The following ZBED4 variants were observed in gnomAD, a reference collection of about 807,000 sequenced individuals.
The protein encoded by ZBED4 is zinc finger BED-type containing 4.
Under a neutral mutation model 15.5 loss-of-function variants are expected in ZBED4, and 4 were observed. The observed-to-expected ratio is 0.26, with a 90% CI of 0.13 to 0.59. ZBED4 has a LOEUF of 0.59. Among genes scored for constraint, ZBED4 ranks in the 20% least tolerant of loss-of-function variants. The pLI is 0.90. For synonymous variants in ZBED4, 692 were observed against 608.5 expected (o/e 1.14, Z -2.02); for missense variants, 1,323 against 1,461.8 (o/e 0.91, Z 1.55).
At position 49,888,222 on chromosome 22, in the gene ZBED4, TAA is replaced by T; in HGVS notation, c.*1047_*1048del. 1 of 167,272 alleles carries T rather than the reference TAA, an allele frequency of 6.0e-6. No homozygotes were observed. Among genetic ancestry groups the T allele is most frequent in the South Asian group, 2.1e-4 (1 of 4,834 alleles). The allele number at this position is 167,272 out of a possible 1,614,324, so 10.4% of individuals were successfully genotyped here. ...TGAAGTGTCAGTTGTCAGATGATTT[TAA>T]AAGTTATGTCTTCAGAGAAAAAAAG... is the stretch of plus-strand genomic sequence containing the variant. On this transcript the variant is annotated 3_prime_UTR_variant, in exon 2 of 2. Coordinates refer to ENST00000216268, the MANE Select transcript of ZBED4 (RefSeq NM_014838.3).
chr22:49,877,102 C>T (rs536259609), intron 1 of ZBED4, among the ~76,000 whole-genome samples: 12 of 152,022 alleles, frequency 7.9e-5, no homozygotes, highest in East Asian at 1.9e-4. Context: ...AGTAAATGAA[C>T]GCTGGCAGTG....
intron 1 of ZBED4, among the ~76,000 whole-genome samples, chr22:49,879,456 G>A (rs1260119402): frequency 6.6e-6 from 1 of 151,796 alleles, no homozygotes; most frequent in Non-Finnish European, 1.5e-5. Context: ...CAGAGACGAT[G>A]TTTTGCCATG....
At chr22:49,856,976 C>T (rs1429343516) in intron 1 of ZBED4, among the ~76,000 whole-genome samples, 1 of 152,218 alleles carries the variant, frequency 6.6e-6, no homozygotes, top group Non-Finnish European at 1.5e-5. Flanking sequence ...TGATGCTGGC[C>T]TGGCCCTGGG....
chr22:49,885,752 C>T lies in ZBED4; in HGVS notation c.2090C>T (p.Pro697Leu), dbSNP rs2060435014. Residue 697 changes from proline (P) to leucine (L), a missense_variant, in exon 2 of 2, where the codon CCT becomes CTT. Around this residue, in one of 6 missense-constraint regions of ZBED4, gnomAD observed 89 missense variants for 129.8 expected, o/e 0.69. Transcript: ENST00000216268. ...YLKPQYSLPA[P>L]SYFSRTAIPG... Reference sequence around the variant, plus strand: ...AAACCTCAGTACTCCCTCCCCGCCCCTTCCTACTTCTCCAGGACAGCTATC... The same window carrying T: ...AAACCTCAGTACTCCCTCCCCGCCCTTTCCTACTTCTCCAGGACAGCTATC... 1 of 1,603,976 alleles carries T rather than the reference C, an allele frequency of 6.2e-7. No homozygotes were observed. The highest frequency in any genetic ancestry group is 1.3e-5 in the African/African-American group (1 of 74,764).
intron 1 of ZBED4, among the ~76,000 whole-genome samples, chr22:49,867,952 C>T (rs1217589396): frequency 6.6e-6 from 1 of 152,200 alleles, no homozygotes; most frequent in African/African-American, 2.4e-5. Context: ...TTGAATATCT[C>T]ATGTAAGAGT....
chr22:49,856,846 C>G (rs1017235536), intron 1 of ZBED4, among the ~76,000 whole-genome samples: 1 of 150,986 alleles, frequency 6.6e-6, no homozygotes, highest in East Asian at 1.9e-4. Context: ...TCCCACCCCT[C>G]GTTCTAGGTG....
intron 1 of ZBED4, among the ~76,000 whole-genome samples, chr22:49,855,303 C>G (rs2060270381): frequency 6.6e-6 from 1 of 152,136 alleles, no homozygotes; most frequent in African/African-American, 2.4e-5. Context: ...GGAAAGAAAC[C>G]TAAGACTTTT....
At chr22:49,871,325 A>G (rs1233722966) in intron 1 of ZBED4, among the ~76,000 whole-genome samples, 1 of 152,002 alleles carries the variant, frequency 6.6e-6, no homozygotes, top group Non-Finnish European at 1.5e-5. Context: ...CGTCACTACT[A>G]AAAATACAAA....
chr22:49,854,097 A>G (rs1234951882), intron 1 of ZBED4, 108 bp downstream of exon 1: 3 of 142,428 alleles, frequency 2.1e-5, no homozygotes, highest in African/African-American at 7.6e-5. Context: ...CGCCGGGGCC[A>G]GGGCCGGGGC....
At chr22:49,882,422 A>G (rs1569163714) in intron 1 of ZBED4, among the ~76,000 whole-genome samples, 1 of 152,212 alleles carries the variant, frequency 6.6e-6, no homozygotes, top group Non-Finnish European at 1.5e-5. Flanking sequence ...CTCTTCAAAA[A>G]AAGTTTGTTA....
At chr22:49,859,224 TTCTTTC>T (rs1366518325) in intron 1 of ZBED4, among the ~76,000 whole-genome samples, 1 of 152,204 alleles carries the variant, frequency 6.6e-6, no homozygotes, top group Non-Finnish European at 1.5e-5. Flanking sequence ...AAATGCTGAG[TTCTTTC>T]TCTTTATTAC....
chr22:49,884,068 T>C lies in ZBED4; in HGVS notation c.406T>C (p.Cys136Arg), dbSNP rs2060423479. Residue 136 changes from cysteine to arginine, a missense_variant, in exon 2 of 2, where the codon TGC (cysteine) becomes CGC (arginine). Transcript: ENST00000216268. Reference sequence around the variant, plus strand: ...TCCCCGAGACAGCACTAAAGCAATATGCATGTACTGTGTGAAGGAGTTCAG... The same window carrying C: ...TCCCCGAGACAGCACTAAAGCAATACGCATGTACTGTGTGAAGGAGTTCAG... ...ISPRDSTKAI[C>R]MYCVKEFSRG... 6.2e-7 allele frequency: 1 copy of C among 1,609,246 alleles called. No individual in the cohort carries two copies. Among genetic ancestry groups the C allele is most frequent in the Non-Finnish European group, 8.5e-7 (1 of 1,178,254 alleles).
chr22:49,860,361 T>G (rs2060291483), intron 1 of ZBED4, among the ~76,000 whole-genome samples: 1 of 152,206 alleles, frequency 6.6e-6, no homozygotes. Context: ...TCTTTGATTC[T>G]TAAATTATAT....
intron 1 of ZBED4, among the ~76,000 whole-genome samples, chr22:49,854,853 T>G (rs983945457): frequency 1.3e-5 from 2 of 152,234 alleles, no homozygotes; most frequent in Admixed American, 6.5e-5. Flanking sequence ...ATTACGTTTT[T>G]AGAAATCCAT....
rs771676030 is a variant in ZBED4, at chr22:49,884,354, C to T, written c.692C>T (p.Ser231Phe). The T allele has an allele frequency of 6.2e-7, 1 of 1,613,268 alleles. No homozygotes were observed. Among genetic ancestry groups the T allele is most frequent in the Non-Finnish European group, 8.5e-7 (1 of 1,179,642 alleles). ...RITEESVSVV[S>F]SEEISSDMSV... Reference sequence around the variant, plus strand: ...ACAGAGGAGTCTGTGTCTGTAGTTTCTTCTGAAGAAATCTCCTCTGACATG... The same window carrying T: ...ACAGAGGAGTCTGTGTCTGTAGTTTTTTCTGAAGAAATCTCCTCTGACATG... The change falls in exon 2 of 2, where the codon TCT (serine) becomes TTT (phenylalanine). Residue 231 changes from serine to phenylalanine, a missense_variant. Physicochemically the swap from Ser to Phe is radical, Grantham distance 155. Coordinates refer to ENST00000216268, the MANE Select transcript of ZBED4 (RefSeq NM_014838.3).
intron 1 of ZBED4, among the ~76,000 whole-genome samples, chr22:49,857,294 G>T (rs1254896914): frequency 3.3e-5 from 5 of 152,234 alleles, no homozygotes; most frequent in African/African-American, 1.2e-4. Flanking sequence ...TCACTAGTGG[G>T]ACTGCCCGGA....
rs1451783787 is a variant in ZBED4 at position 49,885,528 on chromosome 22, C to T, written c.1866C>T (p.Pro622=). 1 of 1,608,716 alleles carries T rather than the reference C, an allele frequency of 6.2e-7. No homozygotes were observed. Among genetic ancestry groups the T allele is most frequent in the African/African-American group, 1.3e-5 (1 of 74,960 alleles). The change falls in exon 2 of 2, where the codon CCC becomes CCT. Residue 622 remains proline (P), a synonymous_variant. Transcript: ENST00000216268. ...CTGAGGTCTCGGAGACGGCTCGGCC[C>T]TCCTCTCCGGACACCCGGGTGCCGC... ...LKTEVSETAR[P]SSPDTRVPRG...
chr22:49,856,486 T>C (rs1403670248), intron 1 of ZBED4, among the ~76,000 whole-genome samples: 3 of 152,200 alleles, frequency 2.0e-5, no homozygotes, highest in African/African-American at 7.2e-5. Context: ...AGGAGAGCAT[T>C]GTCCATGAGG....
At chr22:49,870,543 G>T (rs200163009) in intron 1 of ZBED4, among the ~76,000 whole-genome samples, 3 of 151,972 alleles carry the variant, frequency 2.0e-5, no homozygotes, top group Admixed American at 2.0e-4. Flanking sequence ...ATGGTATCTC[G>T]TTGTGGTTTT....
Sources: allele counts gnomAD v4.1 joint callset (sites outside exome capture counted in the v4.1 genomes callset), GRCh38; gene constraint gnomAD v4.1.1; regional missense constraint gnomAD v4.1.1; transcripts MANE v1.5; gene names NCBI Gene and HGNC (gene_info 2026-07-23, HGNC 2026-07-21).